C14orf180: variants seen among roughly 807,000 people sequenced by gnomAD.
C14orf180 encodes chromosome 14 open reading frame 180.
A neutral mutation model predicts 13.9 loss-of-function variants in C14orf180; 13 were observed. The ratio of observed to expected loss-of-function variants is 0.94; its 90% CI spans 0.61 to 1.49. The LOEUF (loss-of-function observed/expected upper bound fraction) is 1.49, where lower values mean the gene tolerates loss of function less well. Among genes scored for constraint, C14orf180 ranks in the 40% most tolerant of loss-of-function variants. The pLI, the probability that C14orf180 is intolerant of heterozygous loss-of-function variation, is 0.00. For synonymous variants in C14orf180, 113 were observed against 106.3 expected, an observed-to-expected ratio of 1.06 and a Z score of -0.39; for missense variants, 238 against 232.0, an observed-to-expected ratio of 1.03 and a Z score of -0.17.
chr14:104,586,608 G>T (rs924478278), intron 2 of C14orf180, 67 bp downstream of exon 2: 12 of 986,654 alleles, frequency 1.2e-5, no homozygotes, highest in Non-Finnish European at 1.7e-5. Flanking sequence ...AGGGGGCAGG[G>T]AGCAACAGAC....
At position 104,588,775 on chromosome 14, in the gene C14orf180, C is replaced by A; in HGVS notation, c.475C>A (p.Arg159=). The A allele has an allele frequency of 6.7e-7, 1 of 1,503,262 alleles. No individual in the cohort carries two copies. The highest frequency in any genetic ancestry group is 8.8e-7 in the Non-Finnish European group (1 of 1,139,800). The allele number at this position is 1,503,262 out of a possible 1,614,324, so 93.1% of individuals were successfully genotyped here. The change falls in exon 5 of 5, where the codon CGG becomes AGG. Residue 159 remains arginine, a synonymous_variant. Coordinates refer to ENST00000557649, the MANE Select transcript of C14orf180 (RefSeq NM_001008404.3). ...VALTCWRGLL[R]L is the part of the protein sequence containing the mutation. ...CCTCACCTGCTGGCGCGGCCTCCTGCGGCTCTGACGGGCAGGACGGGCAGG... is the reference window on the plus strand; with the variant it reads ...CCTCACCTGCTGGCGCGGCCTCCTGAGGCTCTGACGGGCAGGACGGGCAGG...
At chr14:104,587,345 C>T (rs954000252) in intron 2 of C14orf180, among the ~76,000 whole-genome samples, 27 of 152,318 alleles carry the variant, frequency 1.8e-4, no homozygotes, top group African/African-American at 5.3e-4. Flanking sequence ...CGGCCCTGGC[C>T]CGGCCCCTGC....
chr14:104,584,023 G>A (rs1392530656), intron 1 of C14orf180, among the ~76,000 whole-genome samples: 1 of 152,022 alleles, frequency 6.6e-6, no homozygotes, highest in African/African-American at 2.4e-5. Flanking sequence ...ACTCACACAT[G>A]TGTGCACTCA....
chr14:104,588,144 G>A (rs922718341), intron 3 of C14orf180, 130 bp from the exon 4 acceptor site: 10 of 1,155,066 alleles, frequency 8.7e-6, no homozygotes, highest in African/African-American at 6.1e-5. Flanking sequence ...TGTCAGGACC[G>A]GCTGGGCCTG....
chr14:104,588,773 T>A lies in C14orf180; in HGVS notation c.473T>A (p.Leu158Gln). The change falls in exon 5 of 5, where the codon CTG becomes CAG. Residue 158 changes from leucine to glutamine, a missense_variant. Transcript: ENST00000557649. ...HVALTCWRGL[L>Q]RL ...GCCCTCACCTGCTGGCGCGGCCTCC[T>A]GCGGCTCTGACGGGCAGGACGGGCA... 1 of 1,518,774 alleles carries A rather than the reference T, an allele frequency of 6.6e-7. No individual in the cohort carries two copies. The highest frequency in any genetic ancestry group is 1.2e-5 in the South Asian group (1 of 83,484). The allele number at this position is 1,518,774 out of a possible 1,614,324, so 94.1% of individuals were successfully genotyped here. A position where few individuals can be genotyped will look rare whatever the true frequency, so the allele number is the denominator to read the frequency against.
At chr14:104,587,265 C>T (rs1269382112) in intron 2 of C14orf180, among the ~76,000 whole-genome samples, 1 of 152,138 alleles carries the variant, frequency 6.6e-6, no homozygotes, top group African/African-American at 2.4e-5. Context: ...GTAGGAGCTG[C>T]CCCCGCCTGC....
chr14:104,587,304 G>T (rs971411593), intron 2 of C14orf180, among the ~76,000 whole-genome samples: 2 of 152,196 alleles, frequency 1.3e-5, no homozygotes, highest in African/African-American at 4.8e-5. Flanking sequence ...CCAGGGAAAA[G>T]GAGGCCGAGG....
chr14:104,587,338 C>T (rs1886662376), intron 2 of C14orf180, among the ~76,000 whole-genome samples: 1 of 152,120 alleles, frequency 6.6e-6, no homozygotes, highest in African/African-American at 2.4e-5. Context: ...CTCCTCACGG[C>T]CCTGGCCCGG....
At chr14:104,585,229 A>C (rs1886577184) in intron 1 of C14orf180, among the ~76,000 whole-genome samples, 1 of 152,182 alleles carries the variant, frequency 6.6e-6, no homozygotes, top group Admixed American at 6.5e-5. Context: ...GGAGGTCCCC[A>C]CACTGCCCCC....
chr14:104,587,902 A>C, intron 3 of C14orf180, 24 bp downstream of exon 3: 1 of 1,591,750 alleles, frequency 6.3e-7, no homozygotes, highest in Non-Finnish European at 8.6e-7. Flanking sequence ...CGCAGCAAGC[A>C]GCTGGGAGAG....
intron 1 of C14orf180, among the ~76,000 whole-genome samples, chr14:104,582,341 G>A (rs1047065620): frequency 2.0e-5 from 3 of 152,098 alleles, no homozygotes; most frequent in African/African-American, 4.8e-5. Flanking sequence ...GGCTGGTCTC[G>A]AGGGGGAGGG....
rs73361816 is a variant in C14orf180, at chr14:104,587,650, G to A, written c.112-99G>A. 2,799 of 1,265,826 alleles carry A rather than the reference G, an allele frequency of 2.2e-3. 31 individuals are homozygous for A. The African/African-American group carries it at 0.026, about 12-fold the overall frequency. The allele number at this position is 1,265,826 out of a possible 1,614,324, so 78.4% of individuals were successfully genotyped here. On this transcript the variant is annotated intron_variant, in intron 2 of 4. Transcript: ENST00000557649. ...AGCGCACCAGCCAGGACAGGGTACA[G>A]GTTCCAGGACGGTGCTGCTGGGCCC...
chr14:104,586,280 G>A (rs1886612867), intron 1 of C14orf180, 135 bp from the exon 2 acceptor site: 2 of 549,696 alleles, frequency 3.6e-6, no homozygotes, highest in Non-Finnish European at 6.5e-6. Context: ...AGTGGTGTCT[G>A]CTCAACAGCG....
chr14:104,587,548 T>C (rs1011690338), intron 2 of C14orf180, among the ~76,000 whole-genome samples: 3 of 152,046 alleles, frequency 2.0e-5, no homozygotes, highest in Non-Finnish European at 4.4e-5. Flanking sequence ...CCTGGGCCCC[T>C]GAGGCTGAGT....
chr14:104,588,214 CGGGGGCGCCCGATGGACTGAGGCA>C, intron 3 of C14orf180, 36 bp from the exon 4 acceptor site: 2 of 1,602,856 alleles, frequency 1.2e-6, no homozygotes, highest in Non-Finnish European at 1.7e-6. Flanking sequence ...GACGAGAGGG[CGGGGGCGCCCGATGGACTGAGGCA>C]GGTGCCCCCA....
rs1886753603 is a variant in C14orf180 at position 104,589,034 on chromosome 14, T to C, written c.*251T>C. The C allele has an allele frequency of 6.9e-6, 5 of 720,350 alleles. No homozygotes were observed. Among genetic ancestry groups the C allele is most frequent in the Non-Finnish European group, 1.1e-5 (5 of 469,748 alleles). The allele number at this position is 720,350 out of a possible 1,614,324, so 44.6% of individuals were successfully genotyped here. ...TGTGTTGGGTCCATGTGAGATTTTA[T>C]TAGAAAGAGGATTCGACTGCTAACA... is the stretch of plus-strand genomic sequence containing the variant. On this transcript the variant is annotated 3_prime_UTR_variant, in exon 5 of 5. Coordinates refer to ENST00000557649, the MANE Select transcript of C14orf180 (RefSeq NM_001008404.3). The surrounding 1 kb of genome is among the most constrained non-coding windows in gnomAD (Gnocchi z 4.9).
chr14:104,588,128 A>T, intron 3 of C14orf180, 146 bp from the exon 4 acceptor site: 1 of 1,013,814 alleles, frequency 9.9e-7, no homozygotes, highest in Non-Finnish European at 1.5e-6. Flanking sequence ...TGTCCCTTTG[A>T]GGAAGTGTCA....
At position 104,588,587 on chromosome 14, in the gene C14orf180, G is replaced by C; in HGVS notation, c.287G>C (p.Arg96Pro). The C allele has an allele frequency of 6.9e-7, 1 of 1,449,090 alleles. No individual in the cohort carries two copies. Among genetic ancestry groups the C allele is most frequent in the Non-Finnish European group, 9.0e-7 (1 of 1,105,424 alleles). The allele number at this position is 1,449,090 out of a possible 1,614,324, so 89.8% of individuals were successfully genotyped here. ...TGCCCTCTGGCCGCAGTGCCCGGCC[G>C]GCCCAGGCCACACGGCGGCTCCCTG... ...NATATVRVPG[R>P]PRPHGGSLLL... The change falls in exon 5 of 5, where the codon CGG becomes CCG. Residue 96 changes from arginine (R) to proline (P), a missense_variant. Arg to Pro is a moderately radical substitution (Grantham distance 103). Coordinates refer to ENST00000557649, the MANE Select transcript of C14orf180 (RefSeq NM_001008404.3).
In C14orf180 at chr14:104,587,842, G is replaced by T; in HGVS notation, c.205G>T (p.Val69Leu). The T allele has an allele frequency of 4.3e-6, 7 of 1,610,748 alleles. No homozygotes were observed. The highest frequency in any genetic ancestry group is 5.9e-6 in the Non-Finnish European group (7 of 1,178,918). Residue 69 changes from valine to leucine, a missense_variant, in exon 3 of 5, where the codon GTG (valine) becomes TTG (leucine). By Grantham distance (32) the Val-to-Leu change is conservative. Transcript: ENST00000557649. ...EAKPQRTSRR[V>L]WFREPPAVTV... ...CAAGCCCCAGAGGACCTCGAGGCGC[G>T]TGTGGTTCCGAGAACCCCCAGCGGT...
Sources: allele counts gnomAD v4.1 joint callset (sites outside exome capture counted in the v4.1 genomes callset), GRCh38; gene constraint gnomAD v4.1.1; non-coding constraint Gnocchi (gnomAD v3.1); transcripts MANE v1.5; gene names NCBI Gene and HGNC (gene_info 2026-07-23, HGNC 2026-07-21).